The following OR51B5 variants were observed in gnomAD, a reference collection of about 807,000 sequenced individuals.
OR51B5 encodes olfactory receptor 51B5.
For missense variants in OR51B5, 456 were observed against 374.6 expected (o/e 1.22, Z -1.79); for synonymous variants, 186 against 144.8 (o/e 1.28, Z -2.04).
At chr11:5,361,803 C>T (rs185826522) in intron 1 of OR51B5, among the ~76,000 whole-genome samples, 2 of 152,108 alleles carry the variant, frequency 1.3e-5, no homozygotes, top group Admixed American at 6.6e-5. Context: ...AGAATGATAT[C>T]TCTGGTGTAG....
intron 1 of OR51B5, among the ~76,000 whole-genome samples, chr11:5,396,657 C>T (rs370812652): frequency 6.6e-6 from 1 of 151,768 alleles, no homozygotes; most frequent in Non-Finnish European, 1.5e-5. Flanking sequence ...CAATGCCATC[C>T]CCATCAAGCT....
chr11:5,343,220 A>G (rs11036912), exon 1 of OR51B5: 699,664 of 1,613,032 alleles, frequency 0.43, 156,141 homozygotes, highest in Non-Finnish European at 0.46. Context: ...AAGTGAGTGT[A>G]TAAAGTAGGC....
intron 1 of OR51B5, chr11:5,403,192 T>C (rs1849999744): frequency 2.1e-6 from 1 of 471,338 alleles, no homozygotes; most frequent in Non-Finnish European, 4.4e-6. Context: ...GTTAACAATA[T>C]CTATGGGATT....
chr11:5,409,584 ACAAGT>A (rs1311461651), intron 1 of OR51B5, among the ~76,000 whole-genome samples: 1 of 152,174 alleles, frequency 6.6e-6, no homozygotes, highest in African/African-American at 2.4e-5. Flanking sequence ...GAAAAGAAAA[ACAAGT>A]CAATAGAAAT....
chr11:5,385,904 C>T (rs1221535153), intron 1 of OR51B5, among the ~76,000 whole-genome samples: 2 of 148,548 alleles, frequency 1.3e-5, no homozygotes, highest in African/African-American at 2.5e-5. Context: ...GTTATTTAAA[C>T]TTATACATAT....
At chr11:5,463,146 T>C (rs1352863964) in intron 1 of OR51B5, among the ~76,000 whole-genome samples, 1 of 152,242 alleles carries the variant, frequency 6.6e-6, no homozygotes, top group Non-Finnish European at 1.5e-5. Flanking sequence ...GCCAAAAATA[T>C]GTATGAAATA....
At chr11:5,483,804 C>T (rs767755797) in intron 1 of OR51B5, among the ~76,000 whole-genome samples, 2 of 152,090 alleles carry the variant, frequency 1.3e-5, no homozygotes, top group African/African-American at 2.4e-5. Flanking sequence ...AATAAATAAC[C>T]CCGTTTACCA....
At chr11:5,414,736 A>C (rs1424066013) in intron 1 of OR51B5, among the ~76,000 whole-genome samples, 1 of 152,232 alleles carries the variant, frequency 6.6e-6, no homozygotes, top group Non-Finnish European at 1.5e-5. Context: ...TATCCTAAAT[A>C]TATATGCACC....
At chr11:5,463,695 A>G (rs1389779102) in intron 1 of OR51B5, among the ~76,000 whole-genome samples, 1 of 152,180 alleles carries the variant, frequency 6.6e-6, no homozygotes, top group African/African-American at 2.4e-5. Context: ...TCACAAGACA[A>G]TATTTATTGA....
At chr11:5,455,602 AG>A (rs1850944032) in intron 1 of OR51B5, 2 of 98,266 alleles carry the variant, frequency 2.0e-5, no homozygotes, top group Non-Finnish European at 2.4e-5. Flanking sequence ...AAAGAGAAAA[AG>A]AGAAAGAGAA....
At chr11:5,438,958 GAA>G (rs1850632050) in intron 1 of OR51B5, among the ~76,000 whole-genome samples, 1 of 152,188 alleles carries the variant, frequency 6.6e-6, no homozygotes, top group Admixed American at 6.5e-5. Flanking sequence ...CTGCAGAAAA[GAA>G]AAAGAGTTAA....
chr11:5,420,394 C>T (rs1466165175), intron 1 of OR51B5, among the ~76,000 whole-genome samples: 1 of 151,948 alleles, frequency 6.6e-6, no homozygotes, highest in Non-Finnish European at 1.5e-5. Context: ...TGCAGTTGAA[C>T]ATTGTTTTAT....
At chr11:5,412,666 C>G (rs7110644) in intron 1 of OR51B5, among the ~76,000 whole-genome samples, 72,448 of 152,000 alleles carry the variant, frequency 0.48, 18,048 homozygotes, top group Non-Finnish European at 0.55. Context: ...GAGGGTCCTA[C>G]GCCGACGGAG....
intron 1 of OR51B5, among the ~76,000 whole-genome samples, chr11:5,459,181 A>G (rs770483806): frequency 6.6e-6 from 1 of 152,190 alleles, no homozygotes; most frequent in Non-Finnish European, 1.5e-5. Context: ...GAATTATGTC[A>G]AAAGCCTTTT....
chr11:5,441,493 G>T (rs2133776751), intron 1 of OR51B5: 1 of 1,612,130 alleles, frequency 6.2e-7, no homozygotes, highest in Admixed American at 1.7e-5. Context: ...GGCTGGAAGG[G>T]GGTGCCATTG....
At chr11:5,371,959 T>G (rs1256928398) in intron 1 of OR51B5, among the ~76,000 whole-genome samples, 1 of 152,182 alleles carries the variant, frequency 6.6e-6, no homozygotes, top group Non-Finnish European at 1.5e-5. Flanking sequence ...GACCTTATTT[T>G]TCTTTTGAGA....
intron 1 of OR51B5, among the ~76,000 whole-genome samples, chr11:5,407,714 G>A (rs1850079853): frequency 6.6e-6 from 1 of 150,472 alleles, no homozygotes; most frequent in South Asian, 2.1e-4. Context: ...TTATTCTGGA[G>A]TTATAAACTG....
downstream of OR51B5, among the ~76,000 whole-genome samples, chr11:5,341,924 AT>A (rs531439745): frequency 6.6e-6 from 1 of 152,136 alleles, no homozygotes; most frequent in South Asian, 2.1e-4. Context: ...CTCTTCTCAC[AT>A]TTTTTTGTTA....
At position 5,493,536 on chromosome 11, in the gene OR51B5, G is replaced by A. The variant is rs535299702; in HGVS notation, n.84+12033C>T. ...GAAGGTAACAGTTTGAGTCTAGGTCGGTTAAACTTAACAACTATTAGATTT... is the reference window on the plus strand; with the variant it reads ...GAAGGTAACAGTTTGAGTCTAGGTCAGTTAAACTTAACAACTATTAGATTT... On this transcript the variant is annotated intron_variant and non_coding_transcript_variant, in intron 1 of 4. Transcript: ENST00000415970. 3.2e-4 allele frequency among the ~76,000 whole-genome samples: 49 copies of A among 152,158 alleles called. No homozygotes were observed. The South Asian group carries it at 8.5e-3, about 27-fold the overall frequency.
Sources: allele counts gnomAD v4.1 joint callset (sites outside exome capture counted in the v4.1 genomes callset), GRCh38; gene constraint gnomAD v4.1.1; transcripts MANE v1.5; gene names NCBI Gene and HGNC (gene_info 2026-07-23, HGNC 2026-07-21).